The following HERC6 variants were observed in gnomAD, a reference collection of about 807,000 sequenced individuals.
HERC6 encodes the protein HECT and RLD domain containing E3 ubiquitin protein ligase family member 6.
In HERC6, 101 loss-of-function variants were observed where a neutral mutation model predicts 114.5. The observed-to-expected ratio is 0.88, with a 90% CI of 0.75 to 1.04. The LOEUF is 1.04. HERC6 is among the 50% of genes least tolerant of loss of function. The pLI is 0.00. For synonymous variants in HERC6, 408 were observed against 436.2 expected, an observed-to-expected ratio of 0.94 and a Z score of 0.81; for missense variants, 1,133 against 1,230.9, an observed-to-expected ratio of 0.92 and a Z score of 1.19.
chr4:88,379,310 A>C (rs2110217623), intron 1 of HERC6, among the ~76,000 whole-genome samples, 190 bp downstream of exon 1: 1 of 152,102 alleles, frequency 6.6e-6, no homozygotes, highest in South Asian at 2.1e-4. Context: ...GGAGCCTTGG[A>C]TTCCTCGGGG....
At chr4:88,436,869 A>T (rs762667824) in intron 18 of HERC6, 36 bp from the exon 19 acceptor site, 1 of 1,433,174 alleles carries the variant, frequency 7.0e-7, no homozygotes, top group South Asian at 1.3e-5. Context: ...TTATAAGATC[A>T]ATAAATATAA....
chr4:88,436,747 G>C (rs957879717), intron 18 of HERC6, among the ~76,000 whole-genome samples, 158 bp from the exon 19 acceptor site: 1 of 152,142 alleles, frequency 6.6e-6, no homozygotes, highest in Non-Finnish European at 1.5e-5. Flanking sequence ...TGTAAATAGA[G>C]GCAAACTCTA....
At chr4:88,412,068 A>G (rs769802965) in intron 11 of HERC6, among the ~76,000 whole-genome samples, 2 of 152,216 alleles carry the variant, frequency 1.3e-5, no homozygotes, top group Non-Finnish European at 2.9e-5. Context: ...TGGTAGTGCC[A>G]CAGTCACTTT....
intron 22 of HERC6, chr4:88,440,664 T>C (rs573681731): frequency 2.6e-5 from 4 of 155,660 alleles, no homozygotes; most frequent in African/African-American, 9.6e-5. Flanking sequence ...AGCTACTCCA[T>C]GGTGCTTCTT....
chr4:88,389,131 A>G (rs931496064), intron 3 of HERC6, among the ~76,000 whole-genome samples: 12 of 152,150 alleles, frequency 7.9e-5, no homozygotes, highest in African/African-American at 2.9e-4. Flanking sequence ...TAACCATGAA[A>G]GAATTACCCA....
chr4:88,440,747 C>T (rs1739265577), intron 22 of HERC6: 1 of 152,404 alleles, frequency 6.6e-6, no homozygotes, highest in Admixed American at 6.5e-5. Flanking sequence ...CCAGGTTGCC[C>T]TTTCTATTGG....
At chr4:88,420,372 C>T (rs986545288) in intron 13 of HERC6, among the ~76,000 whole-genome samples, 1 of 151,936 alleles carries the variant, frequency 6.6e-6, no homozygotes, top group African/African-American at 2.4e-5. Flanking sequence ...GTTCCAATTC[C>T]ACAAATTCCA....
chr4:88,417,662 G>T, intron 13 of HERC6, 83 bp downstream of exon 13: 1 of 1,187,898 alleles, frequency 8.4e-7, no homozygotes, highest in Non-Finnish European at 1.2e-6. Context: ...CTTCTAAGAA[G>T]TCAAATAAAA....
At chr4:88,403,480 C>T (rs1290616506) in intron 8 of HERC6, among the ~76,000 whole-genome samples, 6 of 152,150 alleles carry the variant, frequency 3.9e-5, no homozygotes, top group South Asian at 4.1e-4. Context: ...ATAGGCCGGG[C>T]GAGGTGGCTC....
chr4:88,416,541 AT>A (rs1392081300), intron 12 of HERC6, among the ~76,000 whole-genome samples: 2 of 151,862 alleles, frequency 1.3e-5, no homozygotes, highest in Non-Finnish European at 2.9e-5. Flanking sequence ...TGGTTTCTGG[AT>A]TTGGGGTCAT....
intron 7 of HERC6, 119 bp downstream of exon 7, chr4:88,397,106 A>G: frequency 1.3e-6 from 1 of 753,386 alleles, no homozygotes; most frequent in African/African-American, 1.9e-5. Context: ...TTTTATTTTT[A>G]TTTTTATTTA....
At chr4:88,391,775 G>A (rs1734929915) in intron 4 of HERC6, among the ~76,000 whole-genome samples, 1 of 152,068 alleles carries the variant, frequency 6.6e-6, no homozygotes, top group South Asian at 2.1e-4. Context: ...TCGTCAAGAT[G>A]TACTCCCCAC....
intron 12 of HERC6, among the ~76,000 whole-genome samples, chr4:88,415,538 G>C (rs1233013698): frequency 6.6e-6 from 1 of 152,184 alleles, no homozygotes; most frequent in South Asian, 2.1e-4. Context: ...TACTGACAAA[G>C]GATGTATCAA....
chr4:88,389,245 G>T (rs1237694142), intron 3 of HERC6, among the ~76,000 whole-genome samples: 1 of 152,038 alleles, frequency 6.6e-6, no homozygotes, highest in Non-Finnish European at 1.5e-5. Context: ...GGGAAGTGGG[G>T]GTGGGCCAGA....
chr4:88,413,150 T>G lies in HERC6; in HGVS notation c.1442T>G (p.Val481Gly). ...CHSPHQEALSVFLLLPECPVM... is the reference protein window; with the variant it reads ...CHSPHQEALSGFLLLPECPVM... The stretch of plus-strand genomic sequence containing the variant: ...TCTCCACACCAAGAAGCTTTATCAG[T>G]TTTCCTCCTGCTCCCAGAATGTCCT... Residue 481 changes from valine (V) to glycine (G), a missense_variant, in exon 12 of 23, where the codon GTT becomes GGT. Val to Gly is a moderately radical substitution (Grantham distance 109). Coordinates refer to ENST00000264346, the MANE Select transcript of HERC6 (RefSeq NM_017912.4). 2.5e-6 allele frequency: 4 copies of G among 1,613,628 alleles called. No individual in the cohort carries two copies. Among genetic ancestry groups the G allele is most frequent in the Non-Finnish European group, 3.4e-6 (4 of 1,179,614 alleles).
At chr4:88,406,501 C>T (rs1386904097) in intron 10 of HERC6, among the ~76,000 whole-genome samples, 1 of 152,148 alleles carries the variant, frequency 6.6e-6, no homozygotes, top group Non-Finnish European at 1.5e-5. Flanking sequence ...AATAACTTCA[C>T]CTAAGGCTAA....
intron 17 of HERC6, among the ~76,000 whole-genome samples, chr4:88,432,255 C>T (rs551539789): frequency 1.1e-3 from 164 of 152,084 alleles, no homozygotes; most frequent in African/African-American, 3.6e-3. Flanking sequence ...GTTTAGACTT[C>T]GGTCCTATCC....
chr4:88,398,833 G>A (rs1735396468), intron 8 of HERC6: 1 of 152,224 alleles, frequency 6.6e-6, no homozygotes, highest in South Asian at 2.1e-4. Context: ...GGATCAAGAT[G>A]TTTAATGCTC....
At chr4:88,429,159 A>G (rs564043233) in intron 16 of HERC6, among the ~76,000 whole-genome samples, 3 of 152,288 alleles carry the variant, frequency 2.0e-5, no homozygotes, top group South Asian at 2.1e-4. Context: ...GGCTGGAGCA[A>G]TTTAGCTCTG....
Sources: gnomAD v4.1 joint callset for allele counts (sites outside exome capture counted in the v4.1 genomes callset) on GRCh38, gnomAD v4.1.1 for gene constraint, MANE v1.5 for transcripts, NCBI Gene and HGNC (gene_info 2026-07-23, HGNC 2026-07-21) for gene names.